Variants in TBL1XR1 observed in about 807,000 individuals in gnomAD.
TBL1XR1 encodes F-box-like/WD repeat-containing protein TBL1XR1.
In TBL1XR1, 5 loss-of-function variants were observed where a neutral mutation model predicts 66.9. The ratio of observed to expected loss-of-function variants is 0.07; its 90% CI spans 0.04 to 0.16. The LOEUF is 0.16. TBL1XR1 is among the 10% of genes least tolerant of loss of function. The pLI, the probability that TBL1XR1 is intolerant of heterozygous loss-of-function variation, is 1.00. For synonymous variants in TBL1XR1, 210 were observed against 206.0 expected, an observed-to-expected ratio of 1.02 and a Z score of -0.17; for missense variants, 238 against 623.2, an observed-to-expected ratio of 0.38 and a Z score of 6.58.
intron 4 of TBL1XR1, among the ~76,000 whole-genome samples, chr3:177,052,322 G>A (rs947976182): frequency 1.3e-5 from 2 of 152,130 alleles, no homozygotes; most frequent in Admixed American, 1.3e-4. Context: ...CACAAACACA[G>A]AACAAGTCAG....
intron 4 of TBL1XR1, 55 bp downstream of exon 4, chr3:177,053,718 C>G (rs770132529): frequency 1.7e-5 from 26 of 1,526,108 alleles, no homozygotes; most frequent in Non-Finnish European, 2.1e-5. Flanking sequence ...AGACAGCTGA[C>G]TTAACGGCAT....
At chr3:177,045,542 A>G (rs1370177627) in intron 10 of TBL1XR1, among the ~76,000 whole-genome samples, 1 of 152,176 alleles carries the variant, frequency 6.6e-6, no homozygotes, top group Non-Finnish European at 1.5e-5. Context: ...CACATTGAGT[A>G]TTTCTTAAAA....
intron 1 of TBL1XR1, among the ~76,000 whole-genome samples, chr3:177,123,306 TTA>T (rs3046496): frequency 0.42 from 63,565 of 151,736 alleles, 13,495 homozygotes; most frequent in Middle Eastern, 0.47. Context: ...CCTTAAAAAG[TTA>T]TATAACATCT....
At chr3:177,159,712 G>A (rs984673605) in intron 1 of TBL1XR1, among the ~76,000 whole-genome samples, 2 of 152,178 alleles carry the variant, frequency 1.3e-5, no homozygotes, top group Non-Finnish European at 2.9e-5. Context: ...CAAAGTACCA[G>A]CTCCTACGAA....
chr3:177,114,200 A>G (rs911408524), intron 1 of TBL1XR1, among the ~76,000 whole-genome samples: 7 of 151,884 alleles, frequency 4.6e-5, no homozygotes, highest in African/African-American at 1.7e-4. Context: ...TCCTCTCTCT[A>G]TATGTATACA....
intron 1 of TBL1XR1, among the ~76,000 whole-genome samples, chr3:177,184,990 A>G (rs1241414684): frequency 6.6e-6 from 1 of 152,226 alleles, no homozygotes; most frequent in Non-Finnish European, 1.5e-5. Flanking sequence ...AGAAATTAAC[A>G]TCATTTTCCC....
intron 1 of TBL1XR1, among the ~76,000 whole-genome samples, chr3:177,127,304 T>A (rs1255180880): frequency 6.6e-6 from 1 of 152,206 alleles, no homozygotes; most frequent in Non-Finnish European, 1.5e-5. Flanking sequence ...ATCTTAAAAG[T>A]GTTTAAAATT....
intron 2 of TBL1XR1, among the ~76,000 whole-genome samples, chr3:177,088,105 G>C (rs1722377050): frequency 6.6e-6 from 1 of 151,988 alleles, no homozygotes; most frequent in Non-Finnish European, 1.5e-5. Context: ...TTATAGAAAG[G>C]ACAGCAAAAT....
intron 3 of TBL1XR1, among the ~76,000 whole-genome samples, chr3:177,059,925 A>G (rs1718294695): frequency 6.6e-6 from 1 of 152,220 alleles, no homozygotes; most frequent in Non-Finnish European, 1.5e-5. Flanking sequence ...TCCAGCCTTC[A>G]TCTTTCTCTC....
At chr3:177,169,923 G>T (rs1246164882) in intron 1 of TBL1XR1, among the ~76,000 whole-genome samples, 1 of 152,114 alleles carries the variant, frequency 6.6e-6, no homozygotes, top group Non-Finnish European at 1.5e-5. Context: ...CATCACCTGG[G>T]AAACTGCTGA....
intron 1 of TBL1XR1, among the ~76,000 whole-genome samples, chr3:177,102,947 G>C (rs147587255): frequency 6.8e-4 from 103 of 152,218 alleles, no homozygotes; most frequent in Non-Finnish European, 5.0e-4. Context: ...AGAGACCCAG[G>C]ACTGATTTAA....
chr3:177,183,839 C>CGT (rs1735105202), intron 1 of TBL1XR1, among the ~76,000 whole-genome samples: 1 of 151,898 alleles, frequency 6.6e-6, no homozygotes, highest in African/African-American at 2.4e-5. Flanking sequence ...TGGTGGCTCA[C>CGT]GCCTGTAATC....
chr3:177,038,366 G>A lies in TBL1XR1; in HGVS notation c.994C>T (p.His332Tyr). The A allele has an allele frequency of 6.3e-7, 1 of 1,588,664 alleles. No homozygotes were observed. The highest frequency in any genetic ancestry group is 2.3e-5 in the East Asian group (1 of 44,266). Residue 332 changes from histidine (H) to tyrosine (Y), a missense_variant, in exon 11 of 16, where the codon CAT becomes TAT. This residue lies in a region of TBL1XR1 where 89 missense variants were observed against 220.2 expected (regional missense o/e 0.40). Transcript: ENST00000457928. Reference sequence around the variant, plus strand: ...CTGTCTTGTCCTAATTTACAGACATGAATGCACATATCTGTACTACAAGAA... The same window carrying A: ...CTGTCTTGTCCTAATTTACAGACATAAATGCACATATCTGTACTACAAGAA... The part of the protein sequence containing the change: ...FASCSTDMCI[H>Y]VCKLGQDRPI...
At chr3:177,154,502 T>G (rs1223065723) in intron 1 of TBL1XR1, among the ~76,000 whole-genome samples, 1 of 152,114 alleles carries the variant, frequency 6.6e-6, no homozygotes, top group Non-Finnish European at 1.5e-5. Flanking sequence ...GTTCAAGAGA[T>G]TCTCCAGCCT....
intron 4 of TBL1XR1, 64 bp downstream of exon 4, chr3:177,053,709 G>C (rs1187424881): frequency 1.4e-6 from 2 of 1,471,634 alleles, no homozygotes; most frequent in African/African-American, 2.8e-5. Context: ...AAGCAAGCAA[G>C]ACAGCTGACT....
chr3:177,196,301 G>C (rs1161654468), intron 1 of TBL1XR1: 1 of 152,174 alleles, frequency 6.6e-6, no homozygotes, highest in East Asian at 1.9e-4. Flanking sequence ...CCTTTACACT[G>C]TCAGAAAATA....
At chr3:177,131,404 A>G in intron 1 of TBL1XR1, 13 of 985,398 alleles carry the variant, frequency 1.3e-5, no homozygotes, top group South Asian at 4.7e-5. Context: ...CCTGAGCTCA[A>G]TACTGCATAA....
intron 1 of TBL1XR1, among the ~76,000 whole-genome samples, chr3:177,194,753 C>G (rs370919424): frequency 1.3e-5 from 2 of 152,144 alleles, no homozygotes; most frequent in Non-Finnish European, 2.9e-5. Context: ...CTAATTCTTT[C>G]GGGAGACTGG....
chr3:177,060,092 G>C (rs1053057936), intron 3 of TBL1XR1, among the ~76,000 whole-genome samples: 1 of 152,110 alleles, frequency 6.6e-6, no homozygotes, highest in African/African-American at 2.4e-5. Context: ...TTTGGGACTT[G>C]GACTGATCCA....
Sources: gnomAD v4.1 joint callset for allele counts (sites outside exome capture counted in the v4.1 genomes callset) on GRCh38, gnomAD v4.1.1 for gene constraint, gnomAD v4.1.1 regional missense constraint, MANE v1.5 for transcripts, NCBI Gene and HGNC (gene_info 2026-07-23, HGNC 2026-07-21) for gene names.